UNC5C: variants seen among roughly 807,000 people sequenced by gnomAD.
UNC5C encodes unc-5 netrin receptor C, also known as netrin receptor UNC5C.
A neutral mutation model predicts 99.8 loss-of-function variants in UNC5C; 47 were observed. The ratio of observed to expected loss-of-function variants is 0.47; its 90% CI spans 0.37 to 0.60. UNC5C has a LOEUF of 0.60. Ranked by LOEUF, UNC5C falls within the 20% of genes least tolerant of loss-of-function variation. The probability of loss-of-function intolerance (pLI) is 0.00; values close to 1 mark genes in which losing one functional copy is unlikely to be tolerated. For missense variants in UNC5C, 1,062 were observed against 1,165.9 expected, an observed-to-expected ratio of 0.91 and a Z score of 1.30; for synonymous variants, 487 against 452.2, an observed-to-expected ratio of 1.08 and a Z score of -0.98.
Position 95,349,750 on chromosome 4 carries a change from C to A in UNC5C, c.125-14119G>T, listed in dbSNP as rs570191095. ...AAACCTGTGTTTATAGACCATGGTA[C>A]TTGTAAGTATAATGTGTAACATTTC... On this transcript the variant is annotated intron_variant, in intron 1 of 15. Coordinates refer to ENST00000453304, the MANE Select transcript of UNC5C (RefSeq NM_003728.4). Among the ~76,000 whole-genome samples the A allele has an allele frequency of 1.8e-4, 27 of 152,030 alleles. No homozygotes were observed. The South Asian group carries it at 5.2e-3, about 29-fold the overall frequency.
chr4:95,280,218 C>T (rs1180320952), intron 3 of UNC5C, among the ~76,000 whole-genome samples: 2 of 152,078 alleles, frequency 1.3e-5, no homozygotes, highest in Non-Finnish European at 2.9e-5. Flanking sequence ...CATTGTTACA[C>T]ATTTGCCATA....
At chr4:95,354,841 G>A (rs1579352336) in intron 1 of UNC5C, among the ~76,000 whole-genome samples, 1 of 151,900 alleles carries the variant, frequency 6.6e-6, no homozygotes, top group Non-Finnish European at 1.5e-5. Context: ...TGCCAGTTTA[G>A]AACCATTTTC....
intron 1 of UNC5C, among the ~76,000 whole-genome samples, chr4:95,409,650 T>A (rs1336964069): frequency 6.6e-6 from 1 of 152,162 alleles, no homozygotes; most frequent in Non-Finnish European, 1.5e-5. Context: ...AAAAAAAATA[T>A]CCTCTATGAG....
At chr4:95,514,521 T>C (rs1722162913) in intron 1 of UNC5C, among the ~76,000 whole-genome samples, 1 of 151,812 alleles carries the variant, frequency 6.6e-6, no homozygotes, top group African/African-American at 2.4e-5. Flanking sequence ...ACTGTATCTT[T>C]CCTTCAAGGT....
At chr4:95,533,970 T>C (rs1051398404) in intron 1 of UNC5C, among the ~76,000 whole-genome samples, 10 of 152,192 alleles carry the variant, frequency 6.6e-5, no homozygotes, top group Non-Finnish European at 8.8e-5. Flanking sequence ...TTAAAAGCAT[T>C]CTAGTTGCTT....
At chr4:95,478,511 A>G (rs1303926450) in intron 1 of UNC5C, among the ~76,000 whole-genome samples, 1 of 152,026 alleles carries the variant, frequency 6.6e-6, no homozygotes, top group Non-Finnish European at 1.5e-5. Context: ...CTTTAGGAAC[A>G]GTAGTATGAT....
chr4:95,314,386 C>T (rs570369700), intron 2 of UNC5C, among the ~76,000 whole-genome samples: 2 of 152,224 alleles, frequency 1.3e-5, no homozygotes, highest in South Asian at 4.1e-4. Context: ...CCTCCAGAAC[C>T]CCACCATCCT....
intron 14 of UNC5C, among the ~76,000 whole-genome samples, chr4:95,174,435 A>G (rs1476316931): frequency 1.3e-5 from 2 of 152,024 alleles, no homozygotes; most frequent in Non-Finnish European, 2.9e-5. Context: ...AGATTCTGGT[A>G]TGTTGTGTCT....
chr4:95,313,184 G>T (rs1009622874), intron 2 of UNC5C, among the ~76,000 whole-genome samples: 1 of 152,120 alleles, frequency 6.6e-6, no homozygotes, highest in African/African-American at 2.4e-5. Context: ...AGCACTCTAG[G>T]GGAGAGTAGT....
Position 95,301,709 on chromosome 4 carries a change from C to G in UNC5C, c.387G>C (p.Gln129His). 1 of 1,613,270 alleles carries G rather than the reference C, an allele frequency of 6.2e-7. No homozygotes were observed. The highest frequency in any genetic ancestry group is 1.1e-5 in the South Asian group (1 of 91,046). Residue 129 changes from glutamine (Q) to histidine (H), a missense_variant, in exon 3 of 16, where the codon CAG becomes CAC. By Grantham distance (24) the Gln-to-His change is conservative (BLOSUM62 0). Transcript: ENST00000453304. ...CAGGTCCAAAGAGTTCTTCCACTTGCTGGCGCGAAATCTCAATGCTCACTT... is the reference window on the plus strand; with the variant it reads ...CAGGTCCAAAGAGTTCTTCCACTTGGTGGCGCGAAATCTCAATGCTCACTT... ...VREVSIEISR[Q>H]QVEELFGPED...
chr4:95,360,061 C>A (rs1201976688), intron 1 of UNC5C, among the ~76,000 whole-genome samples: 1 of 152,040 alleles, frequency 6.6e-6, no homozygotes, highest in Non-Finnish European at 1.5e-5. Flanking sequence ...CTTAGAGAAC[C>A]ATCTGATGAA....
intron 1 of UNC5C, among the ~76,000 whole-genome samples, chr4:95,462,505 A>G (rs564400976): frequency 3.3e-4 from 50 of 152,226 alleles, no homozygotes; most frequent in Non-Finnish European, 6.8e-4. Context: ...GACTATAAAA[A>G]TGAAAATTTC....
intron 2 of UNC5C, among the ~76,000 whole-genome samples, chr4:95,323,968 G>A (rs1445344520): frequency 6.6e-5 from 10 of 151,922 alleles, no homozygotes; most frequent in East Asian, 3.9e-4. Context: ...CCCGGGAGGC[G>A]GAGGTTGCAG....
At chr4:95,185,510 C>G (rs1364095128) in intron 12 of UNC5C, among the ~76,000 whole-genome samples, 1 of 151,888 alleles carries the variant, frequency 6.6e-6, no homozygotes, top group African/African-American at 2.4e-5. Context: ...GGAATAACAT[C>G]AGAACTCAAA....
At chr4:95,238,948 A>C (rs1022439034) in intron 7 of UNC5C, among the ~76,000 whole-genome samples, 4 of 152,036 alleles carry the variant, frequency 2.6e-5, no homozygotes, top group Non-Finnish European at 4.4e-5. Context: ...ATTTGTGCTT[A>C]TGTTCCTTTT....
At chr4:95,445,889 GTTATTA>G (rs1747086819) in intron 1 of UNC5C, among the ~76,000 whole-genome samples, 1 of 151,480 alleles carries the variant, frequency 6.6e-6, no homozygotes, top group African/African-American at 2.4e-5. Context: ...GTGACTCCCT[GTTATTA>G]TTAAGATAGC....
intron 12 of UNC5C, among the ~76,000 whole-genome samples, chr4:95,199,257 G>A (rs1311112454): frequency 1.3e-5 from 2 of 152,158 alleles, no homozygotes; most frequent in Non-Finnish European, 1.5e-5. Flanking sequence ...TAGTAATAAA[G>A]GGCTTTTTGA....
rs1157387685 is a variant in UNC5C, at chr4:95,216,197, T to G, written c.1660A>C (p.Ile554Leu). ...CCTTGGGGAATGGCCCCAGCGGGAA[T>G]CAGCAAGCTGACTCCTGAATAGCAA... is the stretch of plus-strand genomic sequence containing the variant. The part of the protein sequence containing the change: ...IVPNSGVSLL[I>L]PAGAIPQGRV... Residue 554 changes from isoleucine to leucine, a missense_variant, in exon 10 of 16, where the codon ATT becomes CTT. Coordinates refer to ENST00000453304, the MANE Select transcript of UNC5C (RefSeq NM_003728.4). 1 of 1,613,170 alleles carries G rather than the reference T, an allele frequency of 6.2e-7. No individual in the cohort carries two copies.
chr4:95,545,076 A>T (rs1560501008), intron 1 of UNC5C, among the ~76,000 whole-genome samples: 1 of 152,244 alleles, frequency 6.6e-6, no homozygotes, highest in Non-Finnish European at 1.5e-5. Flanking sequence ...AGCAGAGCTC[A>T]TGCCTTGTTC....
Sources: allele counts gnomAD v4.1 joint callset (sites outside exome capture counted in the v4.1 genomes callset), GRCh38; gene constraint gnomAD v4.1.1; transcripts MANE v1.5; gene names NCBI Gene and HGNC (gene_info 2026-07-23, HGNC 2026-07-21).